The following CDH4 variants were observed in gnomAD, a reference collection of about 807,000 sequenced individuals.
CDH4 encodes cadherin-4.
A neutral mutation model predicts 86.0 loss-of-function variants in CDH4; 33 were observed. The observed-to-expected ratio is 0.38, with a 90% CI of 0.29 to 0.51. The LOEUF is 0.51. CDH4 is among the 20% of genes least tolerant of loss of function. The pLI is 0.86. For missense variants in CDH4, 1,114 were observed against 1,307.4 expected, an observed-to-expected ratio of 0.85 and a Z score of 2.28; for synonymous variants, 555 against 549.4, an observed-to-expected ratio of 1.01 and a Z score of -0.14.
At chr20:61,862,020 C>T (rs547733616) in intron 6 of CDH4, among the ~76,000 whole-genome samples, 1 of 152,328 alleles carries the variant, frequency 6.6e-6, no homozygotes, top group East Asian at 1.9e-4. Context: ...ACGGGAAGCG[C>T]CTTTCCCTGT....
At chr20:61,923,425 C>T (rs1239145675) in intron 9 of CDH4, 26 bp from the exon 10 acceptor site, 5 of 1,612,380 alleles carry the variant, frequency 3.1e-6, no homozygotes, top group African/African-American at 1.3e-5. Flanking sequence ...TGCCAGGTCA[C>T]TCCCAGCCCT....
rs554898572 is a variant in CDH4, at chr20:61,527,086, CTT to C, written c.170-216474_170-216473del. 4.9e-3 allele frequency among the ~76,000 whole-genome samples: 751 copies of C among 152,368 alleles called. 3 individuals carry two copies. The highest frequency in any genetic ancestry group is 0.017 in the African/African-American group (714 of 41,598). On this transcript the variant is annotated intron_variant, in intron 2 of 15. Transcript: ENST00000614565. ...GGGATTACTTGCTAACGCTGTAAAA[CTT>C]TTCATGAACTACGCGCACATACAGA...
intron 2 of CDH4, among the ~76,000 whole-genome samples, chr20:61,665,107 G>A (rs556681598): frequency 7.2e-5 from 11 of 152,308 alleles, no homozygotes; most frequent in African/African-American, 2.6e-4. Flanking sequence ...AAGGGAGGTG[G>A]GACGAGTTGA....
intron 8 of CDH4, among the ~76,000 whole-genome samples, chr20:61,906,801 C>T (rs374055769): frequency 2.4e-4 from 36 of 152,010 alleles, no homozygotes; most frequent in African/African-American, 8.5e-4. Flanking sequence ...GGGAATGGCC[C>T]GGGGTCAGGT....
At chr20:61,396,154 T>G (rs1046714337) in intron 2 of CDH4, among the ~76,000 whole-genome samples, 1 of 152,200 alleles carries the variant, frequency 6.6e-6, no homozygotes, top group Non-Finnish European at 1.5e-5. Flanking sequence ...AGAGACCGTA[T>G]AGCCCTGAAA....
intron 2 of CDH4, among the ~76,000 whole-genome samples, chr20:61,687,027 C>T (rs1021862021): frequency 2.1e-4 from 31 of 149,018 alleles, no homozygotes; most frequent in African/African-American, 7.7e-4. Context: ...TTGGGCGGTG[C>T]CCTTGCTGGA....
At chr20:61,788,778 G>T (rs1979015013) in intron 4 of CDH4, among the ~76,000 whole-genome samples, 1 of 152,206 alleles carries the variant, frequency 6.6e-6, no homozygotes, top group Admixed American at 6.5e-5. Context: ...TCAAAGACCT[G>T]ACTTCAGCTC....
chr20:61,369,950 G>A (rs2084831167), intron 2 of CDH4: 1 of 152,516 alleles, frequency 6.6e-6, no homozygotes, highest in Non-Finnish European at 1.5e-5. Flanking sequence ...GGGGACAGCA[G>A]AGGTAGGCAG....
intron 4 of CDH4, among the ~76,000 whole-genome samples, chr20:61,794,218 G>A (rs1051208387): frequency 1.3e-5 from 2 of 152,022 alleles, no homozygotes; most frequent in African/African-American, 4.8e-5. Flanking sequence ...GTTTAAGCCT[G>A]GGCCCCTGGG....
intron 2 of CDH4, among the ~76,000 whole-genome samples, chr20:61,284,530 G>A (rs1024821874): frequency 5.3e-5 from 8 of 152,278 alleles, no homozygotes; most frequent in Admixed American, 1.3e-4. Context: ...GACTTGTTTC[G>A]TATAGTCCTG....
chr20:61,698,538 C>A (rs537898439), intron 2 of CDH4, among the ~76,000 whole-genome samples: 1 of 152,232 alleles, frequency 6.6e-6, no homozygotes, highest in Non-Finnish European at 1.5e-5. Flanking sequence ...CTTGGTCAGG[C>A]GGTCAGCAGC....
At chr20:61,680,767 A>G (rs2087503464) in intron 2 of CDH4, among the ~76,000 whole-genome samples, 1 of 152,140 alleles carries the variant, frequency 6.6e-6, no homozygotes. Context: ...TCTCCCCGGG[A>G]TGCAGGACCT....
chr20:61,851,616 G>A (rs1982728946), intron 5 of CDH4, among the ~76,000 whole-genome samples: 1 of 152,216 alleles, frequency 6.6e-6, no homozygotes, highest in Non-Finnish European at 1.5e-5. Flanking sequence ...TTGGCAGAAA[G>A]ATGTGAGCTG....
chr20:61,575,079 C>T (rs1395725391), intron 2 of CDH4, among the ~76,000 whole-genome samples: 2 of 152,206 alleles, frequency 1.3e-5, no homozygotes, highest in Non-Finnish European at 1.5e-5. Context: ...CTTTCATCTG[C>T]AGGTGACAAC....
chr20:61,718,850 G>C (rs1352821759), intron 2 of CDH4: 2 of 471,032 alleles, frequency 4.2e-6, no homozygotes, highest in African/African-American at 4.0e-5. Flanking sequence ...CTCTATCTTG[G>C]ACTTCACTGT....
intron 5 of CDH4, among the ~76,000 whole-genome samples, chr20:61,846,173 G>A (rs770718928): frequency 2.0e-5 from 3 of 152,208 alleles, no homozygotes; most frequent in South Asian, 4.1e-4. Flanking sequence ...CCCTAACCCC[G>A]GTCTGCACCG....
intron 2 of CDH4, among the ~76,000 whole-genome samples, chr20:61,545,022 C>T (rs2086067629): frequency 6.6e-6 from 1 of 152,190 alleles, no homozygotes; most frequent in Admixed American, 6.5e-5. Flanking sequence ...ACCACAGGCC[C>T]CTGTCCTTGG....
chr20:61,377,338 C>T lies in CDH4; in HGVS notation c.169+122401C>T, dbSNP rs2084877861. The stretch of plus-strand genomic sequence containing the variant: ...TGGGCCCTGACGAATCCAAAGGGTC[C>T]CCATTCCATGTCTAAGTGCCCATCG... On this transcript the variant is annotated intron_variant, in intron 2 of 15. Coordinates refer to ENST00000614565, the MANE Select transcript of CDH4 (RefSeq NM_001794.5). This position sits in a 1 kb window ranked among gnomAD's most constrained non-coding sequence, Gnocchi z 4.0. Among the ~76,000 whole-genome samples, 1 of 152,102 alleles carries T rather than the reference C, an allele frequency of 6.6e-6. No homozygotes were observed. The highest frequency in any genetic ancestry group is 2.4e-5 in the African/African-American group (1 of 41,398).
At chr20:61,845,184 G>A (rs144230615) in intron 5 of CDH4, among the ~76,000 whole-genome samples, 135 of 152,340 alleles carry the variant, frequency 8.9e-4, no homozygotes, top group Non-Finnish European at 1.2e-3. Flanking sequence ...CACCAGCTGC[G>A]ATGCTCCCTC....
Sources: allele counts gnomAD v4.1 joint callset (sites outside exome capture counted in the v4.1 genomes callset), GRCh38; gene constraint gnomAD v4.1.1; non-coding constraint Gnocchi (gnomAD v3.1); transcripts MANE v1.5; gene names NCBI Gene and HGNC (gene_info 2026-07-23, HGNC 2026-07-21).